Variants in SCN10A observed in about 807,000 individuals in gnomAD.
SCN10A encodes the protein sodium voltage-gated channel alpha subunit 10.
SCN10A carries 162 observed loss-of-function variants against 170.7 expected under a neutral mutation model. That is an observed-to-expected ratio of 0.95 (90% CI 0.84 to 1.08). SCN10A has a LOEUF of 1.08. Among genes scored for constraint, SCN10A ranks in the 50% least tolerant of loss-of-function variants. The pLI, the probability that SCN10A is intolerant of heterozygous loss-of-function variation, is 0.00. For synonymous variants in SCN10A, 985 were observed against 904.6 expected, an observed-to-expected ratio of 1.09 and a Z score of -1.59; for missense variants, 2,527 against 2,436.9, an observed-to-expected ratio of 1.04 and a Z score of -0.78.
intron 4 of SCN10A, among the ~76,000 whole-genome samples, chr3:38,772,395 A>G (rs2064013522): frequency 1.3e-5 from 2 of 152,134 alleles, no homozygotes; most frequent in South Asian, 4.1e-4. Flanking sequence ...AGTTAGAGAA[A>G]TAAAACTGTA....
intron 1 of SCN10A, among the ~76,000 whole-genome samples, chr3:38,807,456 A>G (rs1041275495): frequency 2.0e-5 from 3 of 152,176 alleles, no homozygotes; most frequent in Non-Finnish European, 2.9e-5. Context: ...CCAGGCTGAC[A>G]ATTCCAGATA....
chr3:38,722,461 G>A lies in SCN10A; in HGVS notation c.3353-49C>T, dbSNP rs1187910305. The A allele has an allele frequency of 1.9e-6, 3 of 1,579,952 alleles. No individual in the cohort carries two copies. In the African/African-American group the frequency reaches 4.1e-5, roughly 21 times the overall value. On this transcript the variant is annotated intron_variant, in intron 19 of 27. Coordinates refer to ENST00000449082, the MANE Select transcript of SCN10A (RefSeq NM_006514.4). ...TGGGTGATGGCCAGTGGGCAAAGGGGATAATTTCTGCTCCTGCTGCAGAGA... is the reference window on the plus strand; with the variant it reads ...TGGGTGATGGCCAGTGGGCAAAGGGAATAATTTCTGCTCCTGCTGCAGAGA...
chr3:38,795,926 A>G (rs762437124), intron 1 of SCN10A, among the ~76,000 whole-genome samples: 3 of 152,308 alleles, frequency 2.0e-5, no homozygotes, highest in Non-Finnish European at 2.9e-5. Context: ...CCAAGATCAC[A>G]TTACTAATGA....
intron 4 of SCN10A, among the ~76,000 whole-genome samples, chr3:38,781,516 A>G (rs1321571244): frequency 6.6e-6 from 1 of 152,138 alleles, no homozygotes; most frequent in African/African-American, 2.4e-5. Flanking sequence ...GTTTTGCCTC[A>G]TCCACCATAT....
At chr3:38,739,049 G>A (rs2063600616) in intron 15 of SCN10A, among the ~76,000 whole-genome samples, 1 of 152,124 alleles carries the variant, frequency 6.6e-6, no homozygotes, top group African/African-American at 2.4e-5. Context: ...CGCTTGCTTG[G>A]CAGATGGGAG....
At chr3:38,703,302 A>G (rs937463225) in intron 26 of SCN10A, among the ~76,000 whole-genome samples, 7 of 152,302 alleles carry the variant, frequency 4.6e-5, no homozygotes, top group African/African-American at 1.7e-4. Flanking sequence ...GTCCATGTGC[A>G]TTACTCTTTG....
At chr3:38,720,941 G>C (rs2063383306) in intron 20 of SCN10A, among the ~76,000 whole-genome samples, 1 of 152,176 alleles carries the variant, frequency 6.6e-6, no homozygotes, top group Non-Finnish European at 1.5e-5. Flanking sequence ...ACTGTGCTGA[G>C]GTCCGTGTGG....
At chr3:38,746,184 C>A (rs2063688837) in intron 13 of SCN10A, among the ~76,000 whole-genome samples, 1 of 149,364 alleles carries the variant, frequency 6.7e-6, no homozygotes, top group Non-Finnish European at 1.5e-5. Flanking sequence ...GCTCCAAGGG[C>A]ACCTGAAACC....
chr3:38,797,870 C>T (rs2064349230), intron 1 of SCN10A, among the ~76,000 whole-genome samples: 2 of 152,182 alleles, frequency 1.3e-5, no homozygotes. Context: ...GCCAAATGAC[C>T]ATAATTATTC....
intron 15 of SCN10A, 70 bp from the exon 16 acceptor site, chr3:38,728,971 G>T (rs770251203): frequency 8.1e-5 from 123 of 1,522,430 alleles, no homozygotes; most frequent in Non-Finnish European, 1.1e-4. Context: ...GTTTTGCCTG[G>T]AAACCAAAGA....
rs558531553 is a variant in SCN10A, at chr3:38,756,114, C to A, written c.1291-156G>T. ...TGGTGGGATTAGGCCATGGCAGGAA[C>A]AGACACCTCGGGTCACCCCCACTCA... On this transcript the variant is annotated intron_variant, in intron 10 of 27. Transcript: ENST00000449082. Among the ~76,000 whole-genome samples the A allele has an allele frequency of 9.6e-4, 146 of 152,286 alleles. 1 individual carries two copies. The highest frequency in any genetic ancestry group is 3.4e-3 in the Middle Eastern group (1 of 294).
chr3:38,740,214 G>T (rs565154037), intron 14 of SCN10A, among the ~76,000 whole-genome samples: 1 of 152,316 alleles, frequency 6.6e-6, no homozygotes, highest in South Asian at 2.1e-4. Flanking sequence ...AAGTAACAGT[G>T]ACTAGTAAGA....
chr3:38,749,187 C>T (rs2063723248), intron 13 of SCN10A, among the ~76,000 whole-genome samples: 1 of 152,196 alleles, frequency 6.6e-6, no homozygotes. Flanking sequence ...TATTGCTCAC[C>T]ACTTCTTCCC....
rs552786924 is a variant in SCN10A at position 38,710,190 on chromosome 3, C to T, written c.4144-575G>A. On this transcript the variant is annotated intron_variant, in intron 24 of 27. Coordinates refer to ENST00000449082, the MANE Select transcript of SCN10A (RefSeq NM_006514.4). ...TTTCTTTTTTTTTGAGATTGAGTCT[C>T]GCTGTCTCGCCCAAGCTGGAGTGCA... Among the ~76,000 whole-genome samples the T allele has an allele frequency of 3.2e-4, 49 of 152,184 alleles. 1 individual carries two copies. The highest frequency in any genetic ancestry group is 7.9e-4 in the African/African-American group (33 of 41,528).
chr3:38,724,955 G>A (rs1309497377), intron 18 of SCN10A, among the ~76,000 whole-genome samples: 1 of 152,194 alleles, frequency 6.6e-6, no homozygotes, highest in Non-Finnish European at 1.5e-5. Flanking sequence ...GAACCACCCT[G>A]GAGTGAGATT....
At chr3:38,798,662 A>G (rs762091870) in intron 1 of SCN10A, among the ~76,000 whole-genome samples, 1 of 152,030 alleles carries the variant, frequency 6.6e-6, no homozygotes, top group Non-Finnish European at 1.5e-5. Context: ...AACAGTCTGC[A>G]TGAGTTTTTG....
At chr3:38,751,058 T>C (rs2063741919) in intron 12 of SCN10A, among the ~76,000 whole-genome samples, 1 of 152,202 alleles carries the variant, frequency 6.6e-6, no homozygotes, top group Non-Finnish European at 1.5e-5. Flanking sequence ...ACCCTCTGGT[T>C]CTGGCCAGGT....
chr3:38,735,690 T>A (rs1190606409), intron 15 of SCN10A, among the ~76,000 whole-genome samples: 2 of 152,232 alleles, frequency 1.3e-5, no homozygotes, highest in Non-Finnish European at 2.9e-5. Context: ...TAATTAAGAC[T>A]GATATTGGTG....
At chr3:38,742,228 C>G in intron 14 of SCN10A, 63 bp downstream of exon 14, 1 of 1,228,356 alleles carries the variant, frequency 8.1e-7, no homozygotes, top group Admixed American at 1.7e-5. Context: ...GAACTGCACC[C>G]TGCCATCATC....
Sources: allele counts gnomAD v4.1 joint callset (sites outside exome capture counted in the v4.1 genomes callset), GRCh38; gene constraint gnomAD v4.1.1; transcripts MANE v1.5; gene names NCBI Gene and HGNC (gene_info 2026-07-23, HGNC 2026-07-21).